TMEM71: variants seen among roughly 807,000 people sequenced by gnomAD.
TMEM71 encodes transmembrane protein 71.
A neutral mutation model predicts 38.0 loss-of-function variants in TMEM71; 44 were observed. That is an observed-to-expected ratio of 1.16 (90% CI 0.91 to 1.49). The LOEUF is 1.49. TMEM71 is among the 40% of genes most tolerant of loss of function. The probability of loss-of-function intolerance (pLI) is 0.00; values close to 1 mark genes in which losing one functional copy is unlikely to be tolerated. For synonymous variants in TMEM71, 133 were observed against 122.5 expected (o/e 1.09, Z -0.56); for missense variants, 367 against 348.6 (o/e 1.05, Z -0.42).
At chr8:132,725,865 C>T (rs1272327616) in intron 6 of TMEM71, among the ~76,000 whole-genome samples, 1 of 152,048 alleles carries the variant, frequency 6.6e-6, no homozygotes, top group Non-Finnish European at 1.5e-5. Context: ...GAGAGAGATT[C>T]CAGACCCAGC....
chr8:132,717,918 G>T (rs1485782609), intron 7 of TMEM71, among the ~76,000 whole-genome samples: 4 of 152,192 alleles, frequency 2.6e-5, no homozygotes, highest in Non-Finnish European at 4.4e-5. Flanking sequence ...CCATAGAAAA[G>T]GATGAAGTAC....
the TMEM71 span, among the ~76,000 whole-genome samples, chr8:132,766,667 T>A: frequency 3.3e-5 from 5 of 151,896 alleles, no homozygotes; most frequent in African/African-American, 1.2e-4. Flanking sequence ...GGCTTAAGCC[T>A]GTGGTCCCAA....
chr8:132,737,343 C>CAAA (rs1827805992), intron 5 of TMEM71, among the ~76,000 whole-genome samples: 1 of 152,344 alleles, frequency 6.6e-6, no homozygotes, highest in East Asian at 1.9e-4. Context: ...GATAACTTCT[C>CAAA]CTTTGCCTTT....
chr8:132,743,630 A>G (rs1025899156), intron 5 of TMEM71, among the ~76,000 whole-genome samples: 1 of 152,028 alleles, frequency 6.6e-6, no homozygotes, highest in Non-Finnish European at 1.5e-5. Flanking sequence ...AAAACTGTAT[A>G]CCCTCTTTCT....
At chr8:132,757,915 A>T (rs1165399392) in intron 2 of TMEM71, 1 of 152,194 alleles carries the variant, frequency 6.6e-6, no homozygotes, top group Admixed American at 6.5e-5. Context: ...AGGATGGGAA[A>T]AAACGTCTTG....
At chr8:132,758,684 A>G in intron 2 of TMEM71, 156 bp downstream of exon 2, 1 of 633,972 alleles carries the variant, frequency 1.6e-6, no homozygotes, top group East Asian at 2.9e-5. Context: ...AAATGAAGTT[A>G]AAATCATTGC....
chr8:132,765,999 G>A, the TMEM71 span, among the ~76,000 whole-genome samples: 1 of 151,996 alleles, frequency 6.6e-6, no homozygotes, highest in Non-Finnish European at 1.5e-5. Flanking sequence ...GGCCAGGCTT[G>A]TCTTCATCTC....
chr8:132,717,776 A>G (rs748955424), intron 7 of TMEM71, among the ~76,000 whole-genome samples: 1 of 152,242 alleles, frequency 6.6e-6, no homozygotes, highest in Non-Finnish European at 1.5e-5. Flanking sequence ...CTGTATGTCC[A>G]TACAAAACTT....
intron 5 of TMEM71, among the ~76,000 whole-genome samples, chr8:132,737,243 T>C (rs1189786248): frequency 6.6e-6 from 1 of 152,198 alleles, no homozygotes; most frequent in Non-Finnish European, 1.5e-5. Flanking sequence ...AGTTGGTAGA[T>C]TTTAAGGAAC....
the TMEM71 span, among the ~76,000 whole-genome samples, chr8:132,771,592 A>G: frequency 6.6e-6 from 1 of 151,346 alleles, no homozygotes; most frequent in Non-Finnish European, 1.5e-5. Context: ...AATATTATGT[A>G]CTTTGTATTT....
At chr8:132,760,426 T>C (rs1260338626) in intron 1 of TMEM71, 50 bp downstream of exon 1, 2 of 152,244 alleles carry the variant, frequency 1.3e-5, no homozygotes, top group African/African-American at 2.4e-5. Flanking sequence ...GAAAAATGTC[T>C]GAATGTCAAC....
At chr8:132,771,629 TTA>T in the TMEM71 span, among the ~76,000 whole-genome samples, 1 of 151,374 alleles carries the variant, frequency 6.6e-6, no homozygotes, top group African/African-American at 2.4e-5. Context: ...ATTATTTACT[TTA>T]ATAACATCAT....
chr8:132,724,506 C>T (rs565386601), intron 6 of TMEM71, among the ~76,000 whole-genome samples: 58 of 152,286 alleles, frequency 3.8e-4, no homozygotes, highest in Non-Finnish European at 6.9e-4. Flanking sequence ...TTGCCCGACC[C>T]CGCAGGCAGT....
chr8:132,737,018 T>C (rs1586795576), intron 5 of TMEM71, among the ~76,000 whole-genome samples: 1 of 152,220 alleles, frequency 6.6e-6, no homozygotes, highest in South Asian at 2.1e-4. Context: ...TTTATCAAAA[T>C]GAAACAAAAT....
intron 5 of TMEM71, among the ~76,000 whole-genome samples, chr8:132,743,390 T>G (rs1213141519): frequency 6.6e-6 from 1 of 152,168 alleles, no homozygotes; most frequent in Non-Finnish European, 1.5e-5. Context: ...ATGAATCTGT[T>G]GAACACTCAG....
At chr8:132,741,250 C>A (rs865836097) in intron 5 of TMEM71, among the ~76,000 whole-genome samples, 4 of 152,150 alleles carry the variant, frequency 2.6e-5, no homozygotes, top group Admixed American at 6.5e-5. Flanking sequence ...GTAATCCCAG[C>A]TACTCGGGAG....
At chr8:132,712,301 T>A (rs1288242933) in intron 9 of TMEM71, among the ~76,000 whole-genome samples, 1 of 152,102 alleles carries the variant, frequency 6.6e-6, no homozygotes, top group South Asian at 2.1e-4. Flanking sequence ...CTTCCATAAA[T>A]GAGTCAGAAG....
chr8:132,758,581 C>A, intron 2 of TMEM71: 1 of 431,920 alleles, frequency 2.3e-6, no homozygotes, highest in Admixed American at 4.2e-5. Flanking sequence ...GATAAACAAT[C>A]TCCTTTCACA....
upstream of TMEM71, among the ~76,000 whole-genome samples, chr8:132,764,600 C>T (rs1055276250): frequency 4.6e-5 from 7 of 152,172 alleles, no homozygotes; most frequent in African/African-American, 7.2e-5. Context: ...ACCATGCTGG[C>T]TTCCTTTCAG....
Sources: gnomAD v4.1 joint callset for allele counts (sites outside exome capture counted in the v4.1 genomes callset) on GRCh38, gnomAD v4.1.1 for gene constraint, MANE v1.5 for transcripts, NCBI Gene and HGNC (gene_info 2026-07-23, HGNC 2026-07-21) for gene names.